Variants in INPP4A observed in about 807,000 individuals in gnomAD.
INPP4A encodes inositol polyphosphate-4-phosphatase type I A.
Under a neutral mutation model 119.8 loss-of-function variants are expected in INPP4A, and 33 were observed. The ratio of observed to expected loss-of-function variants is 0.28; its 90% confidence interval spans 0.21 to 0.37. The LOEUF is 0.37. Ranked by LOEUF, INPP4A falls within the 10% of genes least tolerant of loss-of-function variation. The probability of loss-of-function intolerance (pLI) is 1.00; values close to 1 mark genes in which losing one functional copy is unlikely to be tolerated. For missense variants in INPP4A, 956 were observed against 1,289.9 expected, an observed-to-expected ratio of 0.74 and a Z score of 3.97; for synonymous variants, 496 against 500.7, an observed-to-expected ratio of 0.99 and a Z score of 0.12.
chr2:98,501,594 A>G (rs983314633), intron 1 of INPP4A, among the ~76,000 whole-genome samples: 8 of 152,170 alleles, frequency 5.3e-5, no homozygotes, highest in Non-Finnish European at 1.0e-4. Context: ...TGATTTCCCT[A>G]TGGTGGGGCA....
At chr2:98,469,601 G>A (rs1048987129) in intron 1 of INPP4A, among the ~76,000 whole-genome samples, 4 of 151,866 alleles carry the variant, frequency 2.6e-5, no homozygotes, top group South Asian at 4.1e-4. Flanking sequence ...TCAGGAGTTC[G>A]AGGCTAGCCT....
chr2:98,488,708 A>G (rs1322879093), intron 1 of INPP4A, among the ~76,000 whole-genome samples: 1 of 152,168 alleles, frequency 6.6e-6, no homozygotes, highest in East Asian at 1.9e-4. Context: ...AATATTTTGG[A>G]CACACGAGAA....
intron 24 of INPP4A, among the ~76,000 whole-genome samples, chr2:98,579,057 C>CTT (rs1190221769): frequency 7.0e-6 from 1 of 142,788 alleles, no homozygotes; most frequent in Non-Finnish European, 1.5e-5. Flanking sequence ...CTTTTTTTTT[C>CTT]TTTTTTTTTT....
intron 22 of INPP4A, among the ~76,000 whole-genome samples, chr2:98,571,608 C>T (rs923265898): frequency 2.6e-5 from 4 of 152,224 alleles, no homozygotes; most frequent in Admixed American, 2.0e-4. Context: ...AGGAACTAGT[C>T]GACTGGACCA....
intron 1 of INPP4A, among the ~76,000 whole-genome samples, chr2:98,445,823 A>G (rs2104346974): frequency 6.6e-6 from 1 of 152,330 alleles, no homozygotes; most frequent in South Asian, 2.1e-4. Flanking sequence ...ATCCGTAATG[A>G]CAGACCATGA....
rs113110807 is a variant in INPP4A, at chr2:98,473,628, G to A, written c.-166+28543G>A. 4.9e-3 allele frequency among the ~76,000 whole-genome samples: 745 copies of A among 152,236 alleles called. 7 individuals are homozygous for A. Among genetic ancestry groups the A allele is most frequent in the Admixed American group, 9.0e-3 (137 of 15,292 alleles). Reference sequence around the variant, plus strand: ...ATGTGGTCAGGGCCTCTCAGGAGGTGCCACTCAGTGAGTGACCTCACCCGG... The same window carrying A: ...ATGTGGTCAGGGCCTCTCAGGAGGTACCACTCAGTGAGTGACCTCACCCGG... On this transcript the variant is annotated intron_variant, in intron 1 of 24. Transcript: ENST00000409851.
At chr2:98,530,681 T>C (rs1025099833) in intron 4 of INPP4A, among the ~76,000 whole-genome samples, 4 of 152,196 alleles carry the variant, frequency 2.6e-5, no homozygotes, top group African/African-American at 7.2e-5. Context: ...TCTTAAAATA[T>C]AGTGTTCAGC....
intron 1 of INPP4A, among the ~76,000 whole-genome samples, chr2:98,469,020 T>G (rs1675403073): frequency 6.6e-6 from 1 of 152,152 alleles, no homozygotes; most frequent in South Asian, 2.1e-4. Flanking sequence ...GTTGCAATTT[T>G]CCCCATCCTG....
At chr2:98,507,491 G>T (rs1684297348) in intron 1 of INPP4A, among the ~76,000 whole-genome samples, 1 of 152,124 alleles carries the variant, frequency 6.6e-6, no homozygotes, top group Non-Finnish European at 1.5e-5. Flanking sequence ...GATTGAAGGG[G>T]TGGTGGTGCT....
intron 1 of INPP4A, among the ~76,000 whole-genome samples, chr2:98,508,745 T>G (rs1206195285): frequency 6.6e-6 from 1 of 152,222 alleles, no homozygotes; most frequent in East Asian, 1.9e-4. Context: ...CTTGTCAAAG[T>G]CCTTGCCTGT....
intron 1 of INPP4A, among the ~76,000 whole-genome samples, chr2:98,446,140 A>G (rs1694151439): frequency 6.6e-6 from 1 of 152,216 alleles, no homozygotes; most frequent in African/African-American, 2.4e-5. Flanking sequence ...TCTGGTTCTT[A>G]TCTCTAAAAG....
At chr2:98,536,037 G>A in intron 6 of INPP4A, 92 bp from the exon 7 acceptor site, 1 of 814,658 alleles carries the variant, frequency 1.2e-6, no homozygotes, top group Non-Finnish European at 2.0e-6. Context: ...GGTGTTGTGG[G>A]AAGCAGTCAG....
intron 1 of INPP4A, among the ~76,000 whole-genome samples, chr2:98,488,953 G>C (rs2105191212): frequency 6.6e-6 from 1 of 150,994 alleles, no homozygotes; most frequent in South Asian, 2.1e-4. Flanking sequence ...GTGTGTGTGT[G>C]TGTGTGTGTG....
chr2:98,466,916 TTC>T (rs1207207187), intron 1 of INPP4A, among the ~76,000 whole-genome samples: 1 of 152,342 alleles, frequency 6.6e-6, no homozygotes, highest in South Asian at 2.1e-4. Context: ...CTCTTGGATG[TTC>T]TCTTAGTCTG....
intron 24 of INPP4A, among the ~76,000 whole-genome samples, chr2:98,579,706 C>T (rs1166479834): frequency 6.6e-6 from 1 of 152,266 alleles, no homozygotes; most frequent in African/African-American, 2.4e-5. Context: ...AAGGCCCTTC[C>T]TCCTGTGGGA....
At chr2:98,448,165 G>A (rs1057045206) in intron 1 of INPP4A, among the ~76,000 whole-genome samples, 1 of 151,766 alleles carries the variant, frequency 6.6e-6, no homozygotes, top group African/African-American at 2.4e-5. Flanking sequence ...AGACCAGCCT[G>A]GCCAACATGA....
At chr2:98,550,459 A>C (rs1693297021) in intron 13 of INPP4A, among the ~76,000 whole-genome samples, 1 of 152,216 alleles carries the variant, frequency 6.6e-6, no homozygotes, top group South Asian at 2.1e-4. Flanking sequence ...GGCCAGGGCC[A>C]CAAGACTCCA....
At chr2:98,496,040 A>C (rs1380140477) in intron 1 of INPP4A, among the ~76,000 whole-genome samples, 1 of 152,128 alleles carries the variant, frequency 6.6e-6, no homozygotes, top group African/African-American at 2.4e-5. Flanking sequence ...CTGGTGTCTT[A>C]TTACTGCAGA....
rs538005521 is a variant in INPP4A, at chr2:98,523,637, G to T, written c.151+2906G>T. Among the ~76,000 whole-genome samples the T allele has an allele frequency of 3.3e-5, 5 of 152,190 alleles. No individual in the cohort carries two copies. In the South Asian group the frequency reaches 1.0e-3, roughly 32 times the overall value. On this transcript the variant is annotated intron_variant, in intron 4 of 24. Transcript: ENST00000409851. ...TCTCGATCTCCTGACCTCGTGATCT[G>T]CCCGCCTCGGCCTCCCAAAGTGCTG...
Sources: gnomAD v4.1 joint callset for allele counts (sites outside exome capture counted in the v4.1 genomes callset) on GRCh38, gnomAD v4.1.1 for gene constraint, MANE v1.5 for transcripts, NCBI Gene and HGNC (gene_info 2026-07-23, HGNC 2026-07-21) for gene names.